The following DBN1 variants were observed in gnomAD, a reference collection of about 807,000 sequenced individuals.
The protein encoded by DBN1 is drebrin 1.
A neutral mutation model predicts 83.5 loss-of-function variants in DBN1; 21 were observed. The ratio of observed to expected loss-of-function variants is 0.25; its 90% CI spans 0.18 to 0.36. The LOEUF (loss-of-function observed/expected upper bound fraction) is 0.36. DBN1 is among the 10% of genes least tolerant of loss of function. The pLI is 1.00. For missense variants in DBN1, 874 were observed against 935.7 expected (o/e 0.93, Z 0.86); for synonymous variants, 381 against 384.9 (o/e 0.99, Z 0.12).
chr5:177,466,111 TC>T lies in DBN1; in HGVS notation c.771+660del, dbSNP rs1338689605. Among the ~76,000 whole-genome samples, 2 of 151,900 alleles carry T rather than the reference TC, an allele frequency of 1.3e-5. No homozygotes were observed. Among genetic ancestry groups the T allele is most frequent in the Non-Finnish European group, 2.9e-5 (2 of 67,992 alleles). On this transcript the variant is annotated intron_variant, in intron 8 of 14. Coordinates refer to ENST00000393565, the MANE Select transcript of DBN1 (RefSeq NM_001363541.2). This position sits in a 1 kb window ranked among gnomAD's most constrained non-coding sequence, Gnocchi z 4.8. The stretch of plus-strand genomic sequence containing the variant: ...TGGGTGACTCCGGAGCCCGTTTGAG[TC>T]CCCACAGCCATGCATCTGCCCATTA...
chr5:177,459,963 G>A (rs1756891621), intron 10 of DBN1, among the ~76,000 whole-genome samples: 1 of 152,180 alleles, frequency 6.6e-6, no homozygotes, highest in African/African-American at 2.4e-5. Context: ...CGGGACCCCA[G>A]CATGGGGCAA....
chr5:177,459,562 C>A (rs1756851087), intron 11 of DBN1, 41 bp downstream of exon 11: 1 of 1,458,824 alleles, frequency 6.9e-7, no homozygotes, highest in African/African-American at 1.4e-5. Flanking sequence ...GAAGCGGGGC[C>A]CTCCTTACCA....
At position 177,458,455 on chromosome 5, in the gene DBN1, G is replaced by A. The variant is rs1561676786; in HGVS notation, c.1517C>T (p.Ala506Val). 1 of 1,614,230 alleles carries A rather than the reference G, an allele frequency of 6.2e-7. No homozygotes were observed. ...ADTIETDTAT[A>V]DTTVANNVPP... The stretch of plus-strand genomic sequence containing the variant: ...TACGTTGTTGGCAACAGTGGTGTCA[G>A]CAGTGGCAGTGTCAGTTTCAATGGT... The change falls in exon 13 of 15, where the codon GCT becomes GTT. Residue 506 changes from alanine (A) to valine (V), a missense_variant. Coordinates refer to ENST00000393565, the MANE Select transcript of DBN1 (RefSeq NM_001363541.2).
At position 177,467,207 on chromosome 5, in the gene DBN1, G is replaced by A. The variant is rs753065482; in HGVS notation, c.555+48C>T. Reference sequence around the variant, plus strand: ...AGTGAGGGACTCAGACCTGCCCCATGGGGTCCATGAGGGGTGGCTCAGCCA... The same window carrying A: ...AGTGAGGGACTCAGACCTGCCCCATAGGGTCCATGAGGGGTGGCTCAGCCA... On this transcript the variant is annotated intron_variant, in intron 6 of 14. Transcript: ENST00000393565. The surrounding 1 kb of genome is among the most constrained non-coding windows in gnomAD (Gnocchi z 9.1). 4 of 1,610,986 alleles carry A rather than the reference G, an allele frequency of 2.5e-6. No homozygotes were observed. The highest frequency in any genetic ancestry group is 3.4e-6 in the Non-Finnish European group (4 of 1,177,320).
rs764758322 is a variant in DBN1 at position 177,459,659 on chromosome 5, G to T, written c.1037C>A (p.Thr346Asn). The change falls in exon 11 of 15, where the codon ACT becomes AAT. Residue 346 changes from threonine (T) to asparagine (N), a missense_variant. Coordinates refer to ENST00000393565, the MANE Select transcript of DBN1 (RefSeq NM_001363541.2). ...SSSSSSSPPR[T>N]PFPYITCHRT... ...GTGGCAGGTGATATAGGGAAAGGGA[G>T]TCCGTGGAGGGGAGGAGGAGGAAGA... 1.9e-6 allele frequency: 3 copies of T among 1,589,818 alleles called. No individual in the cohort carries two copies. Among genetic ancestry groups the T allele is most frequent in the Non-Finnish European group, 2.6e-6 (3 of 1,168,432 alleles).
intron 8 of DBN1, chr5:177,462,461 C>G (rs1285118377): frequency 1.1e-6 from 1 of 944,768 alleles, no homozygotes. Context: ...TGGGTCCCCA[C>G]AGGGTGCTCC....
intron 8 of DBN1, among the ~76,000 whole-genome samples, chr5:177,465,410 G>C (rs1048270399): frequency 1.3e-5 from 2 of 152,210 alleles, no homozygotes; most frequent in African/African-American, 4.8e-5. Flanking sequence ...TGGAATGGTC[G>C]TTGCCAGGAG....
chr5:177,463,856 T>C (rs1433926196), intron 8 of DBN1, among the ~76,000 whole-genome samples: 3 of 152,244 alleles, frequency 2.0e-5, no homozygotes, highest in Admixed American at 2.0e-4. Context: ...TTATCAGGGC[T>C]GGGTGCAGTG....
rs1165583532 is a variant in DBN1, at chr5:177,458,506, G to A, written c.1466C>T (p.Ala489Val). The part of the protein sequence containing the change: ...AAPVEPATAD[A>V]TEIHDAADTI... ...GTCAGCTGCATCGTGGATCTCCGTG[G>A]CGTCAGCTGTGGCAGGCTCCACGGG... The change falls in exon 13 of 15, where the codon GCC becomes GTC. Residue 489 changes from alanine (A) to valine (V), a missense_variant. Physicochemically the swap from Ala to Val is moderately conservative, Grantham distance 64. Around this residue, in one of 4 missense-constraint regions of DBN1, gnomAD observed 725 missense variants for 719.7 expected, o/e 1.01. Transcript: ENST00000393565. The A allele has an allele frequency of 6.2e-7, 1 of 1,613,760 alleles. No homozygotes were observed. Among genetic ancestry groups the A allele is most frequent in the Admixed American group, 1.7e-5 (1 of 60,030 alleles).
intron 1 of DBN1, chr5:177,473,185 C>G (rs1053289815): frequency 6.5e-6 from 1 of 152,978 alleles, no homozygotes; most frequent in African/African-American, 2.4e-5. Context: ...GCCTCCGGGC[C>G]GCGTCCGGCC....
Position 177,467,645 on chromosome 5 carries a change from C to A in DBN1, c.331-18G>T. ...TCGACACCCTTCCGCAAGAAGACGGCAGTGCTCAGGCGGCACCATCCTCCC... is the reference window on the plus strand; with the variant it reads ...TCGACACCCTTCCGCAAGAAGACGGAAGTGCTCAGGCGGCACCATCCTCCC... On this transcript the variant is annotated intron_variant, in intron 4 of 14. Transcript: ENST00000393565. This position sits in a 1 kb window ranked among gnomAD's most constrained non-coding sequence, Gnocchi z 9.1. 6.4e-7 allele frequency: 1 copy of A among 1,568,106 alleles called. No homozygotes were observed. The highest frequency in any genetic ancestry group is 8.6e-7 in the Non-Finnish European group (1 of 1,156,416).
intron 8 of DBN1, chr5:177,462,451 T>C: frequency 2.0e-6 from 2 of 977,946 alleles, no homozygotes; most frequent in Non-Finnish European, 2.4e-6. Flanking sequence ...TTTCCTCCTC[T>C]GGGTCCCCAC....
At chr5:177,462,508 T>A in intron 8 of DBN1, 1 of 684,554 alleles carries the variant, frequency 1.5e-6, no homozygotes, top group Non-Finnish European at 1.8e-6. Context: ...CCTAAGTTCC[T>A]GTTTCCGGAG....
chr5:177,463,270 C>T (rs1418011259), intron 8 of DBN1, among the ~76,000 whole-genome samples: 1 of 152,206 alleles, frequency 6.6e-6, no homozygotes, highest in African/African-American at 2.4e-5. Flanking sequence ...ATCTCCTGAC[C>T]TCATGATCCG....
intron 8 of DBN1, among the ~76,000 whole-genome samples, chr5:177,464,916 T>A (rs56187471): frequency 0.068 from 10,156 of 148,748 alleles, 450 homozygotes; most frequent in Admixed American, 0.14. Flanking sequence ...GCACTTTGGG[T>A]GGCTGAGGTG....
rs1434720512 is a variant in DBN1 at position 177,466,858 on chromosome 5, C to T, written c.708-23G>A. 2 of 1,614,074 alleles carry T rather than the reference C, an allele frequency of 1.2e-6. No individual in the cohort carries two copies. Among genetic ancestry groups the T allele is most frequent in the Non-Finnish European group, 8.5e-7 (1 of 1,179,966 alleles). On this transcript the variant is annotated intron_variant, in intron 7 of 14. Transcript: ENST00000393565. This position sits in a 1 kb window ranked among gnomAD's most constrained non-coding sequence, Gnocchi z 4.8. The stretch of plus-strand genomic sequence containing the variant: ...CTCCTGGAACGATAAGCAGCCAGCA[C>T]CCGTCAGGGTGCGCCCGGGGGCCCC...
At chr5:177,461,884 TATG>T (rs1268688496) in intron 8 of DBN1, among the ~76,000 whole-genome samples, 2 of 152,190 alleles carry the variant, frequency 1.3e-5, no homozygotes, top group Admixed American at 6.5e-5. Flanking sequence ...GTTTTGCTGG[TATG>T]ATATTTTTAA....
At chr5:177,469,749 G>A (rs1757712694) in intron 1 of DBN1, among the ~76,000 whole-genome samples, 1 of 152,234 alleles carries the variant, frequency 6.6e-6, no homozygotes, top group South Asian at 2.1e-4. Flanking sequence ...GCACAGAAGG[G>A]AAGGCAGAGA....
rs572837739 is a variant in DBN1 at position 177,467,979 on chromosome 5, C to T, written c.255+129G>A. On this transcript the variant is annotated intron_variant, in intron 3 of 14. Transcript: ENST00000393565. The surrounding 1 kb of genome is among the most constrained non-coding windows in gnomAD (Gnocchi z 9.1). ...GCTCTGGGCCTTCAGTTCCCTTCCC[C>T]AGCCCCGGCCGCATACCCAGTTGAT... The T allele has an allele frequency of 8.5e-7, 1 of 1,171,240 alleles. No homozygotes were observed. The highest frequency in any genetic ancestry group is 1.2e-6 in the Non-Finnish European group (1 of 800,042). 72.6% of individuals were successfully genotyped at this position (1,171,240 alleles called of 1,614,324 possible). A position where few individuals can be genotyped will look rare whatever the true frequency, so the allele number is the denominator to read the frequency against.
Sources: allele counts gnomAD v4.1 joint callset (sites outside exome capture counted in the v4.1 genomes callset), GRCh38; gene constraint gnomAD v4.1.1; regional missense constraint gnomAD v4.1.1; non-coding constraint Gnocchi (gnomAD v3.1); transcripts MANE v1.5; gene names NCBI Gene and HGNC (gene_info 2026-07-23, HGNC 2026-07-21).